NLRP12: variants seen among roughly 807,000 people sequenced by gnomAD.
NLRP12 encodes the protein NACHT, LRR and PYD domains-containing protein 12.
A neutral mutation model predicts 91.2 loss-of-function variants in NLRP12; 108 were observed. The ratio of observed to expected loss-of-function variants is 1.18; its 90% CI spans 1.01 to 1.39. NLRP12 has a LOEUF of 1.39. Ranked by LOEUF, NLRP12 falls within the 40% of genes most tolerant of loss-of-function variation. NLRP12 has a pLI of 0.00. For missense variants in NLRP12, 1,530 were observed against 1,352.7 expected, an observed-to-expected ratio of 1.13 and a Z score of -2.06; for synonymous variants, 613 against 566.7, an observed-to-expected ratio of 1.08 and a Z score of -1.16.
chr19:53,811,385 G>A lies in NLRP12; in HGVS notation c.371-97C>T, dbSNP rs1254708727. 20 of 1,382,296 alleles carry A rather than the reference G, an allele frequency of 1.4e-5. No individual in the cohort carries two copies. In the Admixed American group the frequency reaches 1.9e-4, roughly 13 times the overall value. The allele number at this position is 1,382,296 out of a possible 1,614,324, so 85.6% of individuals were successfully genotyped here. A position where few individuals can be genotyped will look rare whatever the true frequency, so the allele number is the denominator to read the frequency against. On this transcript the variant is annotated intron_variant, in intron 2 of 9. Transcript: ENST00000324134. Reference sequence around the variant, plus strand: ...TCCTCATGTGGCTCAAAGAAGGTGTGTGCCTGTAGTTCCAGCTACTCAGGA... The same window carrying A: ...TCCTCATGTGGCTCAAAGAAGGTGTATGCCTGTAGTTCCAGCTACTCAGGA...
At chr19:53,806,747 A>C (rs1395200174) in intron 4 of NLRP12, among the ~76,000 whole-genome samples, 1 of 145,268 alleles carries the variant, frequency 6.9e-6, no homozygotes, top group Non-Finnish European at 1.5e-5. Context: ...TTTCCCAGCT[A>C]CTCGTGATGC....
chr19:53,800,789 G>A (rs1275773134), intron 7 of NLRP12, among the ~76,000 whole-genome samples: 1 of 151,990 alleles, frequency 6.6e-6, no homozygotes, highest in Non-Finnish European at 1.5e-5. Context: ...TCTACATGTT[G>A]GTCAGGCTGG....
intron 1 of NLRP12, among the ~76,000 whole-genome samples, chr19:53,820,505 G>A (rs2092249774): frequency 6.7e-6 from 1 of 150,348 alleles, no homozygotes; most frequent in African/African-American, 2.4e-5. Flanking sequence ...ACTCCAGCCT[G>A]GGCGACAGAG....
chr19:53,805,050 G>A (rs1388216182), intron 5 of NLRP12, among the ~76,000 whole-genome samples: 1 of 152,048 alleles, frequency 6.6e-6, no homozygotes, highest in African/African-American at 2.4e-5. Flanking sequence ...AAGAAGAGGT[G>A]GGGGATGGCC....
chr19:53,810,755 A>G lies in NLRP12; in HGVS notation c.904T>C (p.Ser302Pro), dbSNP rs1345607831. The change falls in exon 3 of 10, where the codon TCT (serine) becomes CCT (proline). Residue 302 changes from serine (S) to proline (P), a missense_variant. Coordinates refer to ENST00000324134, the MANE Select transcript of NLRP12 (RefSeq NM_144687.4). ...CAGGGTCCCTGAGGATCGTGGAAAG[A>G]AGGCTTGAGCTCATCGAAGCCGTCG... ...IIDGFDELKP[S>P]FHDPQGPWCL... 4.3e-6 allele frequency: 7 copies of G among 1,613,994 alleles called. No individual in the cohort carries two copies. In the East Asian group the frequency reaches 1.6e-4, roughly 36 times the overall value.
chr19:53,809,643 C>T lies in NLRP12; in HGVS notation c.2016G>A (p.Ala672=), dbSNP rs763465849. ...VLHLYGATYS[A]DGEDRARCSA... ...AGCACCTCGCGCGGTCTTCCCCGTC[C>T]GCGCTGTAGGTGGCGCCATACAAGT... The change falls in exon 3 of 10, where the codon GCG becomes GCA. Residue 672 remains alanine, a synonymous_variant. Transcript: ENST00000324134. 3 of 1,613,736 alleles carry T rather than the reference C, an allele frequency of 1.9e-6. No homozygotes were observed. Among genetic ancestry groups the T allele is most frequent in the South Asian group, 1.1e-5 (1 of 91,076 alleles).
At chr19:53,818,061 C>CATG (rs2092189706) in intron 1 of NLRP12, among the ~76,000 whole-genome samples, 1 of 150,804 alleles carries the variant, frequency 6.6e-6, no homozygotes, top group Non-Finnish European at 1.5e-5. Context: ...GGATTACAGG[C>CATG]ATGAGCCACT....
At position 53,815,413 on chromosome 19, in the gene NLRP12, G is replaced by C. The variant is rs544359343; in HGVS notation, c.290-425C>G. ...CTGGCTAATTTTTGTATTTTTAGTA[G>C]AGACGGGGTTTCACTATGTTGGCCA... On this transcript the variant is annotated intron_variant, in intron 1 of 9. Transcript: ENST00000324134. Among the ~76,000 whole-genome samples the C allele has an allele frequency of 3.3e-5, 5 of 151,902 alleles. No homozygotes were observed. The South Asian group carries it at 8.3e-4, about 25-fold the overall frequency.
chr19:53,795,916 C>G lies in NLRP12; in HGVS notation c.3041G>C (p.Gly1014Ala), dbSNP rs2091748648. 1 of 1,614,154 alleles carries G rather than the reference C, an allele frequency of 6.2e-7. No homozygotes were observed. The highest frequency in any genetic ancestry group is 2.2e-5 in the East Asian group (1 of 44,874). The change falls in exon 9 of 10, where the codon GGT (glycine) becomes GCT (alanine). Residue 1014 changes from glycine to alanine, a missense_variant. Gly to Ala is a moderately conservative substitution (Grantham distance 60). Transcript: ENST00000324134. Reference protein sequence around the residue: ...YLTNNALGDTGVRLLCKRLSH... With the variant: ...YLTNNALGDTAVRLLCKRLSH... The stretch of plus-strand genomic sequence containing the variant: ...CAGCCGCTTGCAAAGCAGTCGGACA[C>G]CTGTGTCCCCTAGGGCGTTGTTGGT...
chr19:53,815,009 G>C, intron 1 of NLRP12, 21 bp from the exon 2 acceptor site: 1 of 1,589,592 alleles, frequency 6.3e-7, no homozygotes, highest in South Asian at 1.1e-5. Context: ...AATTGTGGAA[G>C]ATGAGCTAGC....
Position 53,810,344 on chromosome 19 carries a change from G to A in NLRP12, c.1315C>T (p.Leu439=). 6.2e-7 allele frequency: 1 copy of A among 1,613,596 alleles called. No individual in the cohort carries two copies. The highest frequency in any genetic ancestry group is 1.1e-5 in the South Asian group (1 of 91,086). ...GGCTTGGGTTGCATCAGACTCAGCA[G>A]GTAGAGCATGTACACTGCAGTGGTG... is the stretch of plus-strand genomic sequence containing the variant. ...RTTTAVYMLY[L]LSLMQPKPGA... The change falls in exon 3 of 10, where the codon CTG becomes TTG. Residue 439 remains leucine (L), a synonymous_variant. Coordinates refer to ENST00000324134, the MANE Select transcript of NLRP12 (RefSeq NM_144687.4).
chr19:53,799,775 A>G (rs2091836741), intron 7 of NLRP12, among the ~76,000 whole-genome samples: 1 of 151,972 alleles, frequency 6.6e-6, no homozygotes, highest in Non-Finnish European at 1.5e-5. Flanking sequence ...GAGCCACCGC[A>G]TCCTGCCTTC....
intron 1 of NLRP12, among the ~76,000 whole-genome samples, chr19:53,822,325 G>C (rs1390837026): frequency 1.3e-5 from 2 of 152,084 alleles, no homozygotes; most frequent in Non-Finnish European, 2.9e-5. Context: ...TGAAAGAAAA[G>C]GGAATTGGTG....
chr19:53,807,346 A>C, intron 4 of NLRP12, 149 bp downstream of exon 4: 1 of 743,966 alleles, frequency 1.3e-6, no homozygotes, highest in East Asian at 2.7e-5. Flanking sequence ...GGGATTACAG[A>C]CGTGAGCCAC....
At chr19:53,805,478 T>C in intron 4 of NLRP12, 28 bp from the exon 5 acceptor site, 2 of 1,609,266 alleles carry the variant, frequency 1.2e-6, no homozygotes, top group Non-Finnish European at 1.7e-6. Flanking sequence ...AGAAAGGAGC[T>C]GGTCATTTCT....
intron 1 of NLRP12, among the ~76,000 whole-genome samples, chr19:53,821,561 G>A (rs7508353): frequency 0.88 from 133,398 of 151,646 alleles, 58,906 homozygotes; most frequent in Non-Finnish European, 0.93. Context: ...CCAGCTACTC[G>A]GGAGGCTGAG....
chr19:53,821,919 G>A (rs1264757184), intron 1 of NLRP12, among the ~76,000 whole-genome samples: 2 of 152,092 alleles, frequency 1.3e-5, no homozygotes, highest in Non-Finnish European at 2.9e-5. Flanking sequence ...TCTGTACACA[G>A]TCATAAAAAA....
chr19:53,822,636 G>T (rs1378270198), intron 1 of NLRP12, among the ~76,000 whole-genome samples: 1 of 151,308 alleles, frequency 6.6e-6, no homozygotes, highest in Admixed American at 6.6e-5. Flanking sequence ...TACTCGGGAT[G>T]CTGAGGCAGA....
Position 53,822,370 on chromosome 19 carries a change from C to T in NLRP12, c.289+1516G>A, listed in dbSNP as rs189359077. 2.6e-5 allele frequency among the ~76,000 whole-genome samples: 4 copies of T among 152,124 alleles called. No homozygotes were observed. The East Asian group carries it at 5.8e-4, about 22-fold the overall frequency. On this transcript the variant is annotated intron_variant, in intron 1 of 9. Coordinates refer to ENST00000324134, the MANE Select transcript of NLRP12 (RefSeq NM_144687.4). Reference sequence around the variant, plus strand: ...TGGTCATTCATGCCTGTAATCCCAGCACTTTGGGAGGCTAAGGTGGAAGCT... The same window carrying T: ...TGGTCATTCATGCCTGTAATCCCAGTACTTTGGGAGGCTAAGGTGGAAGCT...
Sources: gnomAD v4.1 joint callset for allele counts (sites outside exome capture counted in the v4.1 genomes callset) on GRCh38, gnomAD v4.1.1 for gene constraint, MANE v1.5 for transcripts, NCBI Gene and HGNC (gene_info 2026-07-23, HGNC 2026-07-21) for gene names.